Variants in CTNNBL1 observed in about 807,000 individuals in gnomAD.
The protein encoded by CTNNBL1 is catenin beta like 1.
Under a neutral mutation model 72.7 loss-of-function variants are expected in CTNNBL1, and 31 were observed. The ratio of observed to expected loss-of-function variants is 0.43; its 90% CI spans 0.32 to 0.58. CTNNBL1 has a LOEUF of 0.58. CTNNBL1 is among the 20% of genes least tolerant of loss of function. CTNNBL1 has a pLI of 0.08. For synonymous variants in CTNNBL1, 240 were observed against 267.3 expected, an observed-to-expected ratio of 0.90 and a Z score of 1.00; for missense variants, 534 against 725.1, an observed-to-expected ratio of 0.74 and a Z score of 3.03.
At chr20:37,718,880 A>C (rs1010619815) in intron 1 of CTNNBL1, among the ~76,000 whole-genome samples, 3 of 152,176 alleles carry the variant, frequency 2.0e-5, no homozygotes, top group Non-Finnish European at 2.9e-5. Context: ...TGAGGTCTTG[A>C]CTGAGGAAAG....
intron 10 of CTNNBL1, among the ~76,000 whole-genome samples, chr20:37,789,034 T>C (rs2073702212): frequency 6.6e-6 from 1 of 152,168 alleles, no homozygotes; most frequent in South Asian, 2.1e-4. Flanking sequence ...GAAAAGATTG[T>C]TGAGGTGATG....
At chr20:37,790,788 A>G (rs1480158885) in intron 10 of CTNNBL1, among the ~76,000 whole-genome samples, 2 of 152,230 alleles carry the variant, frequency 1.3e-5, no homozygotes, top group Admixed American at 1.3e-4. Context: ...TAAATCGCAC[A>G]TATTTAAAGT....
intron 1 of CTNNBL1, among the ~76,000 whole-genome samples, chr20:37,714,000 G>A (rs2072963159): frequency 6.6e-6 from 1 of 151,902 alleles, no homozygotes; most frequent in Non-Finnish European, 1.5e-5. Context: ...TTGGTAACTT[G>A]CCCAAAGATA....
chr20:37,736,948 G>A (rs2073176496), intron 2 of CTNNBL1, among the ~76,000 whole-genome samples: 1 of 152,106 alleles, frequency 6.6e-6, no homozygotes, highest in African/African-American at 2.4e-5. Flanking sequence ...CTGTGGCCGG[G>A]CACAGTGGCT....
At chr20:37,793,316 T>A (rs2073742421) in intron 10 of CTNNBL1, among the ~76,000 whole-genome samples, 1 of 152,246 alleles carries the variant, frequency 6.6e-6, no homozygotes, top group Non-Finnish European at 1.5e-5. Flanking sequence ...TTTAGCTGCT[T>A]AAACTTATAG....
chr20:37,813,735 A>G (rs1250253178), intron 11 of CTNNBL1, among the ~76,000 whole-genome samples: 1 of 152,214 alleles, frequency 6.6e-6, no homozygotes, highest in Non-Finnish European at 1.5e-5. Flanking sequence ...TTTAGGGTGT[A>G]GTATATCTCT....
chr20:37,698,409 C>T (rs2072811463), intron 1 of CTNNBL1, among the ~76,000 whole-genome samples: 1 of 152,186 alleles, frequency 6.6e-6, no homozygotes, highest in Non-Finnish European at 1.5e-5. Context: ...CACCAAAAAC[C>T]AGCTCTAGGC....
chr20:37,776,943 CTAATT>C (rs2073579144), intron 7 of CTNNBL1, among the ~76,000 whole-genome samples: 2 of 152,132 alleles, frequency 1.3e-5, no homozygotes, highest in African/African-American at 4.8e-5. Flanking sequence ...CATATATTAA[CTAATT>C]TATAGCCTAA....
At chr20:37,732,326 G>A (rs2073136450) in intron 1 of CTNNBL1, among the ~76,000 whole-genome samples, 1 of 152,184 alleles carries the variant, frequency 6.6e-6, no homozygotes, top group Non-Finnish European at 1.5e-5. Flanking sequence ...AATATTTTAT[G>A]TTTGTACTAT....
intron 10 of CTNNBL1, among the ~76,000 whole-genome samples, chr20:37,799,019 T>G (rs1364103780): frequency 1.3e-5 from 2 of 152,200 alleles, no homozygotes; most frequent in Non-Finnish European, 2.9e-5. Flanking sequence ...ATACAAAAAA[T>G]CCCTTCGTAC....
chr20:37,714,288 A>G (rs946723715), intron 1 of CTNNBL1, among the ~76,000 whole-genome samples: 1 of 152,250 alleles, frequency 6.6e-6, no homozygotes, highest in Non-Finnish European at 1.5e-5. Context: ...TCTTGACTAA[A>G]GAAAGGAAAG....
At chr20:37,734,397 C>T (rs2073155053) in intron 2 of CTNNBL1, among the ~76,000 whole-genome samples, 1 of 152,208 alleles carries the variant, frequency 6.6e-6, no homozygotes, top group South Asian at 2.1e-4. Context: ...CATCCTCCCT[C>T]CCTTCCCTCC....
chr20:37,761,704 C>A (rs2073419147), intron 5 of CTNNBL1, among the ~76,000 whole-genome samples: 1 of 152,010 alleles, frequency 6.6e-6, no homozygotes, highest in Admixed American at 6.5e-5. Flanking sequence ...GATACATAAA[C>A]AAGAAAACTA....
intron 11 of CTNNBL1, among the ~76,000 whole-genome samples, chr20:37,815,622 T>C (rs922683037): frequency 6.6e-6 from 1 of 152,150 alleles, no homozygotes; most frequent in African/African-American, 2.4e-5. Flanking sequence ...CTGGCCCACA[T>C]TGGCTCTTCT....
chr20:37,697,496 G>T (rs557995241), intron 1 of CTNNBL1, among the ~76,000 whole-genome samples: 1 of 152,198 alleles, frequency 6.6e-6, no homozygotes. Context: ...TAGCTGAAAC[G>T]GGAAGTGAGC....
At position 37,840,161 on chromosome 20, in the gene CTNNBL1, C is replaced by T. The variant is rs1010453280; in HGVS notation, c.1273C>T (p.Arg425Trp). Residue 425 changes from arginine (R) to tryptophan (W), a missense_variant, in exon 12 of 16, where the codon CGG becomes TGG. By Grantham distance (101) the Arg-to-Trp change is moderately radical. Coordinates refer to ENST00000361383, the MANE Select transcript of CTNNBL1 (RefSeq NM_030877.5). Reference protein sequence around the residue: ...LRNLRGQQRTRLLNKFTENDS... With the variant: ...LRNLRGQQRTWLLNKFTENDS... ...GAACCTGAGAGGGCAGCAGCGGACC[C>T]GGCTTCTGAATAAATTCACTGAAAA... The T allele has an allele frequency of 2.5e-6, 4 of 1,613,818 alleles. No individual in the cohort carries two copies. The highest frequency in any genetic ancestry group is 3.4e-6 in the Non-Finnish European group (4 of 1,179,854).
At chr20:37,781,412 C>A (rs776516102) in intron 10 of CTNNBL1, among the ~76,000 whole-genome samples, 1 of 152,014 alleles carries the variant, frequency 6.6e-6, no homozygotes, top group Non-Finnish European at 1.5e-5. Flanking sequence ...GAATAAATAA[C>A]CAGAAATATG....
At chr20:37,781,345 T>G (rs2073623873) in intron 10 of CTNNBL1, among the ~76,000 whole-genome samples, 1 of 152,116 alleles carries the variant, frequency 6.6e-6, no homozygotes. Context: ...TGAGTGCAAA[T>G]ATGAAGTGAT....
intron 11 of CTNNBL1, among the ~76,000 whole-genome samples, chr20:37,814,782 T>C (rs1188846254): frequency 6.6e-6 from 1 of 152,102 alleles, no homozygotes; most frequent in African/African-American, 2.4e-5. Context: ...GCCCAGCTAG[T>C]GTTGAGAGCT....
Sources: gnomAD v4.1 joint callset for allele counts (sites outside exome capture counted in the v4.1 genomes callset) on GRCh38, gnomAD v4.1.1 for gene constraint, MANE v1.5 for transcripts, NCBI Gene and HGNC (gene_info 2026-07-23, HGNC 2026-07-21) for gene names.